Variants in SDK1 observed in about 807,000 individuals in gnomAD.
SDK1 encodes protein sidekick-1.
In SDK1, 157 loss-of-function variants were observed where a neutral mutation model predicts 245.5. That is an observed-to-expected ratio of 0.64 (90% CI 0.56 to 0.73). The LOEUF is 0.73. SDK1 is among the 30% of genes least tolerant of loss of function. The pLI is 0.00. For synonymous variants in SDK1, 1,647 were observed against 1,278.5 expected (o/e 1.29, Z -6.15); for missense variants, 3,583 against 3,002.3 (o/e 1.19, Z -4.52).
At chr7:3,751,666 C>T (rs1159248499) in intron 4 of SDK1, among the ~76,000 whole-genome samples, 1 of 152,190 alleles carries the variant, frequency 6.6e-6, no homozygotes, top group East Asian at 1.9e-4. Context: ...TTTAGCCTTT[C>T]AGGGACTGCA....
intron 1 of SDK1, among the ~76,000 whole-genome samples, chr7:3,495,472 A>G (rs184416699): frequency 1.3e-5 from 2 of 151,940 alleles, no homozygotes; most frequent in Admixed American, 1.3e-4. Context: ...TTGCCCAGGC[A>G]AGTCTTGAAC....
chr7:3,578,749 G>T (rs1303860486), intron 1 of SDK1, among the ~76,000 whole-genome samples: 2 of 151,624 alleles, frequency 1.3e-5, no homozygotes, highest in Non-Finnish European at 2.9e-5. Flanking sequence ...GGCTCTTTTT[G>T]CCTCACCCCA....
At chr7:4,144,055 AG>A (rs1275863625) in intron 28 of SDK1, among the ~76,000 whole-genome samples, 1 of 140,182 alleles carries the variant, frequency 7.1e-6, no homozygotes, top group African/African-American at 2.6e-5. Context: ...TCACTGTGCA[AG>A]GGTCGGGGAA....
At chr7:4,087,406 T>C (rs1479771458) in intron 22 of SDK1, among the ~76,000 whole-genome samples, 3 of 152,180 alleles carry the variant, frequency 2.0e-5, no homozygotes, top group Non-Finnish European at 4.4e-5. Flanking sequence ...TTAGAGAGGC[T>C]TTAAACTATG....
intron 22 of SDK1, among the ~76,000 whole-genome samples, chr7:4,084,755 TTTTATTTTATTTTA>T (rs1353080149): frequency 7.3e-5 from 10 of 136,790 alleles, no homozygotes; most frequent in African/African-American, 3.1e-4. Context: ...GTATATTTTA[TTTTATTTTATTTTA>T]TTTATTTATT....
chr7:4,130,072 C>T lies in SDK1; in HGVS notation c.4104C>T (p.Leu1368=), dbSNP rs61734791. Residue 1368 remains leucine, a synonymous_variant, in exon 27 of 45, where the codon CTC becomes CTT. Transcript: ENST00000404826. ...RIGNGVPSTP[L]ILERTKDDAP... The stretch of plus-strand genomic sequence containing the variant: ...GGAACGGGGTCCCCAGCACGCCCCT[C>T]ATCCTGGAGCGCACCAAAGACGATG... 0.062 allele frequency: 99,421 copies of T among 1,608,214 alleles called. 3,714 individuals are homozygous for T. The highest frequency in any genetic ancestry group is 0.15 in the African/African-American group (11,495 of 74,912).
chr7:3,419,332 A>G (rs1255759916), intron 1 of SDK1, among the ~76,000 whole-genome samples: 1 of 152,164 alleles, frequency 6.6e-6, no homozygotes, highest in Non-Finnish European at 1.5e-5. Flanking sequence ...CTCTGTGGCC[A>G]CTTGATGATA....
At chr7:3,382,489 T>A (rs1781512966) in intron 1 of SDK1, among the ~76,000 whole-genome samples, 1 of 152,192 alleles carries the variant, frequency 6.6e-6, no homozygotes, top group Admixed American at 6.5e-5. Flanking sequence ...CCTAATACAC[T>A]TCCTCACCTC....
chr7:3,643,934 C>A (rs1039940927), intron 4 of SDK1: 10 of 149,506 alleles, frequency 6.7e-5, no homozygotes, highest in Non-Finnish European at 1.3e-4. Flanking sequence ...AGACAGAGTC[C>A]CTCTGTCACC....
chr7:4,190,659 G>A (rs1195132535), intron 35 of SDK1, among the ~76,000 whole-genome samples: 1 of 152,276 alleles, frequency 6.6e-6, no homozygotes, highest in East Asian at 1.9e-4. Flanking sequence ...GCTGTGCACA[G>A]GCACTGCTGA....
chr7:3,551,704 C>G (rs904656399), intron 1 of SDK1, among the ~76,000 whole-genome samples: 2 of 152,050 alleles, frequency 1.3e-5, no homozygotes, highest in African/African-American at 2.4e-5. Context: ...CAGACAGGCT[C>G]TCAGTGTGTC....
Position 3,409,276 on chromosome 7 carries a change from C to G in SDK1, c.298+107392C>G, listed in dbSNP as rs911158548. Among the ~76,000 whole-genome samples, 4 of 146,086 alleles carry G rather than the reference C, an allele frequency of 2.7e-5. 1 individual carries two copies. Among genetic ancestry groups the G allele is most frequent in the African/African-American group, 1.0e-4 (4 of 38,934 alleles). ...CGCCTCCCCTTTCCCTTATGATGGTCTGTTTTAAGATTCTATTATGGTTTT... is the reference window on the plus strand; with the variant it reads ...CGCCTCCCCTTTCCCTTATGATGGTGTGTTTTAAGATTCTATTATGGTTTT... On this transcript the variant is annotated intron_variant, in intron 1 of 44. Transcript: ENST00000404826.
chr7:3,952,483 G>A (rs891748609), intron 7 of SDK1, among the ~76,000 whole-genome samples: 1 of 151,964 alleles, frequency 6.6e-6, no homozygotes, highest in Non-Finnish European at 1.5e-5. Flanking sequence ...CTCGGGAGGC[G>A]GAGGCACGAG....
intron 12 of SDK1, among the ~76,000 whole-genome samples, chr7:3,973,958 G>A (rs547689999): frequency 3.9e-5 from 6 of 152,198 alleles, no homozygotes; most frequent in African/African-American, 1.4e-4. Context: ...GAGACGGGCA[G>A]ATCACTTGAG....
chr7:3,982,004 G>A (rs1009583583), intron 13 of SDK1, among the ~76,000 whole-genome samples: 28 of 152,300 alleles, frequency 1.8e-4, no homozygotes, highest in Middle Eastern at 3.4e-3. Context: ...TCCTAGTTAC[G>A]GAGGAGAAAT....
chr7:4,068,295 A>G (rs1780028694), intron 20 of SDK1, among the ~76,000 whole-genome samples: 1 of 152,218 alleles, frequency 6.6e-6, no homozygotes, highest in African/African-American at 2.4e-5. Flanking sequence ...GGTAAGGTCA[A>G]TATCGATATT....
chr7:3,915,389 G>A (rs1039132846), intron 5 of SDK1, among the ~76,000 whole-genome samples: 2 of 152,194 alleles, frequency 1.3e-5, no homozygotes, highest in Non-Finnish European at 2.9e-5. Flanking sequence ...TGTTGTGGGA[G>A]GGACCCGTGG....
chr7:3,989,054 G>A (rs181204371), intron 14 of SDK1, among the ~76,000 whole-genome samples: 25 of 152,260 alleles, frequency 1.6e-4, no homozygotes, highest in Middle Eastern at 3.4e-3. Flanking sequence ...CGCGCCTGGC[G>A]TCCAGTTTAA....
At chr7:4,182,136 G>A (rs1052454422) in intron 35 of SDK1, among the ~76,000 whole-genome samples, 5 of 152,152 alleles carry the variant, frequency 3.3e-5, no homozygotes, top group African/African-American at 1.2e-4. Flanking sequence ...AGCCAGGATG[G>A]TCTCAATCTC....
Sources: allele counts gnomAD v4.1 joint callset (sites outside exome capture counted in the v4.1 genomes callset), GRCh38; gene constraint gnomAD v4.1.1; transcripts MANE v1.5; gene names NCBI Gene and HGNC (gene_info 2026-07-23, HGNC 2026-07-21).